The following SCFD1 variants were observed in gnomAD, a reference collection of about 807,000 sequenced individuals.
The protein encoded by SCFD1 is sec1 family domain-containing protein 1.
SCFD1 carries 37 observed loss-of-function variants against 103.2 expected under a neutral mutation model. The observed-to-expected ratio is 0.36, with a 90% CI of 0.28 to 0.47. The LOEUF (loss-of-function observed/expected upper bound fraction) is 0.47. SCFD1 is among the 20% of genes least tolerant of loss of function. The pLI is 1.00. For missense variants in SCFD1, 639 were observed against 761.2 expected (o/e 0.84, Z 1.89); for synonymous variants, 264 against 245.0 (o/e 1.08, Z -0.73).
chr14:30,724,175 T>C (rs1892859506), intron 23 of SCFD1, among the ~76,000 whole-genome samples: 1 of 151,186 alleles, frequency 6.6e-6, no homozygotes, highest in African/African-American at 2.4e-5. Context: ...GAGCTTTTTT[T>C]CATAAGATTT....
chr14:30,733,296 C>T (rs1893613222), intron 23 of SCFD1, among the ~76,000 whole-genome samples: 1 of 152,190 alleles, frequency 6.6e-6, no homozygotes, highest in Non-Finnish European at 1.5e-5. Context: ...GCATGAGCCA[C>T]TGCGCCCAGC....
intron 2 of SCFD1, 21 bp from the exon 3 acceptor site, chr14:30,630,456 A>C: frequency 7.2e-7 from 1 of 1,379,314 alleles, no homozygotes; most frequent in Non-Finnish European, 1.0e-6. Flanking sequence ...GATAATGATG[A>C]CACATGGTTT....
chr14:30,721,178 AT>A (rs1226218006), intron 21 of SCFD1, among the ~76,000 whole-genome samples: 2 of 152,110 alleles, frequency 1.3e-5, no homozygotes, highest in Non-Finnish European at 2.9e-5. Context: ...GGAAAAGATG[AT>A]AGAACTGTGT....
rs546143251 is a variant in SCFD1 at position 30,711,631 on chromosome 14, T to TACA, written c.1629+3569_1629+3571dup. On this transcript the variant is annotated intron_variant, in intron 19 of 24. Coordinates refer to ENST00000458591, the MANE Select transcript of SCFD1 (RefSeq NM_016106.4). ...CATCATGTTGTACACCCAAAATATA[T>TACA]ACAACTTATTTGTCAGTCATACCTC... 8.5e-4 allele frequency among the ~76,000 whole-genome samples: 130 copies of TACA among 152,280 alleles called. 1 individual carries two copies. Among genetic ancestry groups the TACA allele is most frequent in the African/African-American group, 3.0e-3 (125 of 41,562 alleles).
chr14:30,698,761 A>T (rs1221670680), intron 15 of SCFD1, among the ~76,000 whole-genome samples: 1 of 152,192 alleles, frequency 6.6e-6, no homozygotes, highest in Non-Finnish European at 1.5e-5. Context: ...GGCCAAGGAA[A>T]TGGGAAAGTA....
chr14:30,630,228 G>A (rs1485962797), intron 2 of SCFD1, among the ~76,000 whole-genome samples: 1 of 151,992 alleles, frequency 6.6e-6, no homozygotes, highest in African/African-American at 2.4e-5. Context: ...AAATAATGAT[G>A]GAAAATATTA....
chr14:30,661,246 A>G (rs973111459), intron 10 of SCFD1, among the ~76,000 whole-genome samples: 8 of 152,282 alleles, frequency 5.3e-5, no homozygotes, highest in African/African-American at 1.9e-4. Flanking sequence ...ACATGTTTTA[A>G]TCCTTGCTCT....
At chr14:30,711,874 G>C (rs1419119809) in intron 19 of SCFD1, among the ~76,000 whole-genome samples, 1 of 152,036 alleles carries the variant, frequency 6.6e-6, no homozygotes, top group Admixed American at 6.6e-5. Flanking sequence ...GGAATGGGTA[G>C]TAGGTGATAG....
chr14:30,657,015 G>T (rs1025469422), intron 10 of SCFD1, among the ~76,000 whole-genome samples: 1 of 152,022 alleles, frequency 6.6e-6, no homozygotes, highest in Non-Finnish European at 1.5e-5. Context: ...TATTTGGTTG[G>T]TGGGGCCCTT....
intron 19 of SCFD1, among the ~76,000 whole-genome samples, chr14:30,713,331 A>G (rs1892028272): frequency 6.6e-6 from 1 of 152,168 alleles, no homozygotes; most frequent in Non-Finnish European, 1.5e-5. Flanking sequence ...AGATGTGTAG[A>G]TGGTTTTGGT....
intron 5 of SCFD1, 116 bp downstream of exon 5, chr14:30,638,363 T>G (rs1287927932): frequency 7.1e-7 from 1 of 1,407,512 alleles, no homozygotes; most frequent in Non-Finnish European, 9.7e-7. Context: ...CAGAATTGTT[T>G]AGGCTCAATA....
chr14:30,731,531 G>A (rs561553088), intron 23 of SCFD1, among the ~76,000 whole-genome samples: 2 of 152,256 alleles, frequency 1.3e-5, no homozygotes, highest in South Asian at 2.1e-4. Flanking sequence ...ACTTCGTTGA[G>A]CAGTGGTTTG....
chr14:30,658,199 T>C lies in SCFD1; in HGVS notation c.855+4611T>C, dbSNP rs1242683304. ...ATTTTTTCAAATCTTAGGTTCTCTT[T>C]TTGTACCTTTCACCCTCTGCTACTG... On this transcript the variant is annotated intron_variant, in intron 10 of 24. Coordinates refer to ENST00000458591, the MANE Select transcript of SCFD1 (RefSeq NM_016106.4). The C allele has an allele frequency of 6.9e-6, 3 of 431,686 alleles. No homozygotes were observed. The East Asian group carries it at 2.1e-4, about 30-fold the overall frequency. The allele number at this position is 431,686 out of a possible 1,614,324, so 26.7% of individuals were successfully genotyped here. A position where few individuals can be genotyped will look rare whatever the true frequency, so the allele number is the denominator to read the frequency against.
intron 10 of SCFD1, among the ~76,000 whole-genome samples, chr14:30,658,640 G>A (rs1205226474): frequency 6.6e-6 from 1 of 152,124 alleles, no homozygotes; most frequent in Admixed American, 6.6e-5. Flanking sequence ...TGATCCACCT[G>A]CCTCAGCCTC....
At position 30,678,872 on chromosome 14, in the gene SCFD1, G is replaced by A. The variant is rs905487310; in HGVS notation, c.1242+3807G>A. Among the ~76,000 whole-genome samples the A allele has an allele frequency of 3.3e-5, 5 of 152,106 alleles. No individual in the cohort carries two copies. The East Asian group carries it at 9.6e-4, about 29-fold the overall frequency. Reference sequence around the variant, plus strand: ...CTGGATCCTCATTTTTGTTTTACTTGTTCTTATAGACAGTCTTATAGGGAC... The same window carrying A: ...CTGGATCCTCATTTTTGTTTTACTTATTCTTATAGACAGTCTTATAGGGAC... On this transcript the variant is annotated intron_variant, in intron 14 of 24. Transcript: ENST00000458591.
Position 30,733,099 on chromosome 14 carries a change from G to A in SCFD1, c.1837-1691G>A, listed in dbSNP as rs577073003. Among the ~76,000 whole-genome samples the A allele has an allele frequency of 8.6e-5, 13 of 151,010 alleles. No individual in the cohort carries two copies. In the South Asian group the frequency reaches 1.7e-3, roughly 20 times the overall value. ...TGGCTCACTGCAACCTCTGCCTCCC[G>A]AGTTCAATCAATCAGTTCTCCTGCC... On this transcript the variant is annotated intron_variant, in intron 23 of 24. Transcript: ENST00000458591.
chr14:30,683,924 G>A (rs7141161), intron 14 of SCFD1, among the ~76,000 whole-genome samples: 74,911 of 151,970 alleles, frequency 0.49, 21,470 homozygotes, highest in African/African-American at 0.79. Flanking sequence ...GCCAAGAAGT[G>A]TCACTCTAGA....
chr14:30,715,568 CAA>C (rs36045306), intron 19 of SCFD1: 47 of 99,682 alleles, frequency 4.7e-4, no homozygotes, highest in South Asian at 2.0e-3. Context: ...GTCTCCATGT[CAA>C]AAAAAAAAAA....
chr14:30,639,810 G>T lies in SCFD1; in HGVS notation c.469G>T (p.Glu157Ter). The change falls in exon 6 of 25, where the codon GAA becomes TAA. Residue 157 changes from glutamate (E) to a stop codon, truncating the protein, a stop_gained. Coordinates refer to ENST00000458591, the MANE Select transcript of SCFD1 (RefSeq NM_016106.4). LOFTEE classifies it high-confidence loss of function. ...FDQYLNFITLEDDMFVLCNQN... is the reference protein window; with the variant it reads ...FDQYLNFITL ...CCAATATCTCAATTTTATTACTTTGGAAGATGATATGTTTGTATTATGTAA... is the reference window on the plus strand; with the variant it reads ...CCAATATCTCAATTTTATTACTTTGTAAGATGATATGTTTGTATTATGTAA... 6.3e-7 allele frequency: 1 copy of T among 1,579,030 alleles called. No individual in the cohort carries two copies. Among genetic ancestry groups the T allele is most frequent in the Non-Finnish European group, 8.6e-7 (1 of 1,163,200 alleles).
Sources: allele counts gnomAD v4.1 joint callset (sites outside exome capture counted in the v4.1 genomes callset), GRCh38; gene constraint gnomAD v4.1.1; transcripts MANE v1.5; gene names NCBI Gene and HGNC (gene_info 2026-07-23, HGNC 2026-07-21).